The following CHAT variants were observed in gnomAD, a reference collection of about 807,000 sequenced individuals.
CHAT encodes acetyl CoA:choline O-acetyltransferase.
Under a neutral mutation model 76.9 loss-of-function variants are expected in CHAT, and 61 were observed. That is an observed-to-expected ratio of 0.79 (90% CI 0.65 to 0.98). The LOEUF is 0.98. CHAT is among the 50% of genes least tolerant of loss of function. CHAT has a pLI of 0.00. For synonymous variants in CHAT, 407 were observed against 397.4 expected, an observed-to-expected ratio of 1.02 and a Z score of -0.29; for missense variants, 946 against 986.9, an observed-to-expected ratio of 0.96 and a Z score of 0.56.
chr10:49,621,556 T>C (rs1235042540), intron 4 of CHAT, among the ~76,000 whole-genome samples: 1 of 151,720 alleles, frequency 6.6e-6, no homozygotes, highest in Admixed American at 6.6e-5. Flanking sequence ...TACCGGGGGG[T>C]GGGAGGAAAG....
chr10:49,659,501 T>A lies in CHAT; in HGVS notation c.1840-3144T>A, dbSNP rs971384656. On this transcript the variant is annotated intron_variant, in intron 13 of 14. Coordinates refer to ENST00000337653, the MANE Select transcript of CHAT (RefSeq NM_020549.5). The stretch of plus-strand genomic sequence containing the variant: ...TTGAGTACACCTAGAGAGCAATCAG[T>A]CCATAAAGAAGCAAGAAGTGAGAGG... 2.0e-5 allele frequency among the ~76,000 whole-genome samples: 3 copies of A among 152,074 alleles called. 1 individual carries two copies. The highest frequency in any genetic ancestry group is 2.9e-5 in the Non-Finnish European group (2 of 68,016).
At chr10:49,654,143 C>G (rs1168717341) in intron 11 of CHAT, among the ~76,000 whole-genome samples, 1 of 152,222 alleles carries the variant, frequency 6.6e-6, no homozygotes, top group African/African-American at 2.4e-5. Flanking sequence ...TGTTTGCCTC[C>G]AGGGACCATA....
chr10:49,610,834 A>T, upstream of CHAT: 1 of 1,609,778 alleles, frequency 6.2e-7, no homozygotes, highest in Non-Finnish European at 8.5e-7. Context: ...CCGGCGGCAG[A>T]GGCGCCTGGT....
At chr10:49,640,852 G>T (rs1796010722) in intron 7 of CHAT, among the ~76,000 whole-genome samples, 1 of 152,122 alleles carries the variant, frequency 6.6e-6, no homozygotes, top group Admixed American at 6.5e-5. Flanking sequence ...TTGTTTGTTT[G>T]TTTGTTTGTT....
chr10:49,666,157 T>C lies in CHAT; in HGVS notation c.*1111T>C, dbSNP rs1353353534. On this transcript the variant is annotated 3_prime_UTR_variant, in exon 15 of 15. Coordinates refer to ENST00000337653, the MANE Select transcript of CHAT (RefSeq NM_020549.5). ...TAGAGCCTAGAGCAGGGCTCTCTTCTGGCCTCAGGGACTTAGGGGACAGCT... is the reference window on the plus strand; with the variant it reads ...TAGAGCCTAGAGCAGGGCTCTCTTCCGGCCTCAGGGACTTAGGGGACAGCT... Among the ~76,000 whole-genome samples, 1 of 152,174 alleles carries C rather than the reference T, an allele frequency of 6.6e-6. No individual in the cohort carries two copies. The highest frequency in any genetic ancestry group is 1.5e-5 in the Non-Finnish European group (1 of 68,038).
intron 7 of CHAT, among the ~76,000 whole-genome samples, chr10:49,641,024 C>T (rs1231087166): frequency 6.6e-6 from 1 of 152,236 alleles, no homozygotes; most frequent in African/African-American, 2.4e-5. Flanking sequence ...ATTTATTTCT[C>T]ACAGTTTTGG....
At chr10:49,648,744 CA>C in intron 9 of CHAT, 137 bp downstream of exon 9, 1 of 667,488 alleles carries the variant, frequency 1.5e-6, no homozygotes, top group Non-Finnish European at 2.7e-6. Flanking sequence ...CACACACACA[CA>C]CACACACACA....
At chr10:49,635,335 A>G (rs1355772465) in intron 7 of CHAT, among the ~76,000 whole-genome samples, 1 of 152,158 alleles carries the variant, frequency 6.6e-6, no homozygotes, top group East Asian at 1.9e-4. Context: ...TTGTTTACCC[A>G]TCAAAGGACA....
At chr10:49,658,882 G>A (rs1354793130) in intron 13 of CHAT, among the ~76,000 whole-genome samples, 3 of 152,030 alleles carry the variant, frequency 2.0e-5, no homozygotes, top group Non-Finnish European at 4.4e-5. Context: ...GGGAAAATAT[G>A]GTAGAAAAAA....
chr10:49,642,833 C>T lies in CHAT; in HGVS notation c.1112-3672C>T, dbSNP rs551963663. On this transcript the variant is annotated intron_variant, in intron 7 of 14. Transcript: ENST00000337653. ...ACAGCATTCAAGCTGCCTATGGCCC[C>T]GGCTTGGCTGGCCTTCAGGCCCATG... is the stretch of plus-strand genomic sequence containing the variant. 1.2e-4 allele frequency among the ~76,000 whole-genome samples: 19 copies of T among 152,378 alleles called. No individual in the cohort carries two copies. The East Asian group carries it at 2.3e-3, about 19-fold the overall frequency.
At position 49,665,019 on chromosome 10, in the gene CHAT, G is replaced by A. The variant is rs1258677300; in HGVS notation, c.2220G>A (p.Thr740=). ...CATTGGCAACAAAGGAAAAAGCCAC[G>A]AGGCCCAGCCAGGGACACCAACCTT... The part of the protein sequence containing the change: ...SKPLATKEKA[T]RPSQGHQP Residue 740 remains threonine, a synonymous_variant, in exon 15 of 15, where the codon ACG becomes ACA. Transcript: ENST00000337653. 6.8e-6 allele frequency: 11 copies of A among 1,613,994 alleles called. No individual in the cohort carries two copies. The highest frequency in any genetic ancestry group is 5.0e-5 in the Admixed American group (3 of 59,998).
At chr10:49,621,890 C>T (rs905400356) in intron 4 of CHAT, among the ~76,000 whole-genome samples, 48 of 19,032 alleles carry the variant, frequency 2.5e-3, no homozygotes, top group Non-Finnish European at 4.1e-3. Context: ...GCAGGAACCA[C>T]ATCTGATTAG....
At chr10:49,614,762 C>CTG (rs759885912) in intron 1 of CHAT, among the ~76,000 whole-genome samples, 8 of 152,244 alleles carry the variant, frequency 5.3e-5, no homozygotes, top group Non-Finnish European at 1.2e-4. Flanking sequence ...TCCGCGCTTT[C>CTG]TGTGTCTAGT....
chr10:49,625,666 T>C lies in CHAT; in HGVS notation c.933+13T>C. 2 of 1,558,518 alleles carry C rather than the reference T, an allele frequency of 1.3e-6. No individual in the cohort carries two copies. The highest frequency in any genetic ancestry group is 1.7e-6 in the Non-Finnish European group (2 of 1,150,334). On this transcript the variant is annotated intron_variant, in intron 6 of 14. Transcript: ENST00000337653. Reference sequence around the variant, plus strand: ...CTGCTGCAATCAGGTAAGCAACCCCTTGTCTTGGTGAGGGAGGGCACAGAG... The same window carrying C: ...CTGCTGCAATCAGGTAAGCAACCCCCTGTCTTGGTGAGGGAGGGCACAGAG...
intron 1 of CHAT, among the ~76,000 whole-genome samples, chr10:49,614,686 C>T (rs1838417626): frequency 6.6e-6 from 1 of 152,368 alleles, no homozygotes; most frequent in South Asian, 2.1e-4. Flanking sequence ...GCTTAACCAT[C>T]AGGGCTTCGG....
intron 7 of CHAT, among the ~76,000 whole-genome samples, chr10:49,635,789 C>T (rs191300599): frequency 7.2e-5 from 11 of 152,190 alleles, no homozygotes; most frequent in East Asian, 1.9e-4. Context: ...CGACCTGATA[C>T]GGAACATCTA....
intron 9 of CHAT, 151 bp downstream of exon 9, chr10:49,648,758 C>CACAT: frequency 1.7e-6 from 1 of 584,888 alleles, no homozygotes; most frequent in East Asian, 3.0e-5. Context: ...CACACACACA[C>CACAT]GATGAATTTG....
chr10:49,635,404 T>A (rs1839263109), intron 7 of CHAT, among the ~76,000 whole-genome samples: 1 of 152,228 alleles, frequency 6.6e-6, no homozygotes, highest in South Asian at 2.1e-4. Flanking sequence ...TGTACAGGTT[T>A]TTGTGTGAAC....
intron 1 of CHAT, chr10:49,615,979 C>T (rs1256175578): frequency 1.3e-6 from 2 of 1,541,390 alleles, no homozygotes; most frequent in Non-Finnish European, 1.8e-6. Context: ...CCTTAAAGGC[C>T]TCCATTCACC....
Sources: gnomAD v4.1 joint callset for allele counts (sites outside exome capture counted in the v4.1 genomes callset) on GRCh38, gnomAD v4.1.1 for gene constraint, MANE v1.5 for transcripts, NCBI Gene and HGNC (gene_info 2026-07-23, HGNC 2026-07-21) for gene names.